EXOC6B: variants seen among roughly 807,000 people sequenced by gnomAD.
EXOC6B encodes exocyst complex component 6B.
EXOC6B carries 54 observed loss-of-function variants against 113.5 expected under a neutral mutation model. The ratio of observed to expected loss-of-function variants is 0.48; its 90% CI spans 0.38 to 0.60. The LOEUF is 0.60. EXOC6B is among the 20% of genes least tolerant of loss of function. The pLI, the probability that EXOC6B is intolerant of heterozygous loss-of-function variation, is 0.00. For missense variants in EXOC6B, 797 were observed against 977.5 expected, an observed-to-expected ratio of 0.82 and a Z score of 2.46; for synonymous variants, 357 against 339.0, an observed-to-expected ratio of 1.05 and a Z score of -0.58.
chr2:72,208,283 T>C (rs1297093293), intron 20 of EXOC6B, among the ~76,000 whole-genome samples: 3 of 151,982 alleles, frequency 2.0e-5, no homozygotes, highest in African/African-American at 7.2e-5. Context: ...TTCCCATCTT[T>C]ATGCCCATGT....
intron 20 of EXOC6B, among the ~76,000 whole-genome samples, chr2:72,203,198 T>C (rs961686105): frequency 6.6e-5 from 10 of 152,238 alleles, no homozygotes; most frequent in Non-Finnish European, 1.2e-4. Flanking sequence ...TCTTCTTTTC[T>C]CTTTGTCCTA....
At chr2:72,460,416 A>G (rs1697547674) in intron 18 of EXOC6B, among the ~76,000 whole-genome samples, 1 of 151,964 alleles carries the variant, frequency 6.6e-6, no homozygotes, top group African/African-American at 2.4e-5. Context: ...CAGAGTGAAC[A>G]GGCAACCTAC....
At chr2:72,410,028 C>T (rs1694066273) in intron 18 of EXOC6B, among the ~76,000 whole-genome samples, 1 of 152,182 alleles carries the variant, frequency 6.6e-6, no homozygotes, top group Non-Finnish European at 1.5e-5. Flanking sequence ...TTGCACACAG[C>T]TTTTCAATAT....
rs994262730 is a variant in EXOC6B, at chr2:72,228,472, G to A, written c.2197-44285C>T. Among the ~76,000 whole-genome samples, 19 of 143,592 alleles carry A rather than the reference G, an allele frequency of 1.3e-4. No individual in the cohort carries two copies. The South Asian group carries it at 3.1e-3, about 23-fold the overall frequency. 94.2% of individuals were successfully genotyped at this position (143,592 alleles called of 152,430 possible). A position where few individuals can be genotyped will look rare whatever the true frequency, so the allele number is the denominator to read the frequency against. On this transcript the variant is annotated intron_variant, in intron 20 of 21. Coordinates refer to ENST00000272427, the MANE Select transcript of EXOC6B (RefSeq NM_015189.3). ...GTGATGTTCCCCTTCCTGTGTCCAC[G>A]TGTTCTCATTGTTCAATTCCCACCT...
At chr2:72,709,658 G>A (rs2063170) in intron 6 of EXOC6B, among the ~76,000 whole-genome samples, 93,086 of 151,996 alleles carry the variant, frequency 0.61, 34,730 homozygotes, top group East Asian at 0.99. Context: ...AAGGCCAAGA[G>A]CCCAAAATTA....
intron 20 of EXOC6B, among the ~76,000 whole-genome samples, chr2:72,200,973 C>T (rs1679455724): frequency 1.3e-5 from 2 of 152,102 alleles, no homozygotes; most frequent in South Asian, 4.1e-4. Flanking sequence ...TGCCTTCTCT[C>T]CATTCTTTCA....
At chr2:72,250,555 G>C (rs568170563) in intron 20 of EXOC6B, among the ~76,000 whole-genome samples, 13 of 151,894 alleles carry the variant, frequency 8.6e-5, no homozygotes, top group Non-Finnish European at 1.6e-4. Flanking sequence ...TGTTGCCCAG[G>C]CTGGTCTTGA....
At chr2:72,473,107 TC>T (rs1698513114) in intron 17 of EXOC6B, among the ~76,000 whole-genome samples, 1 of 152,192 alleles carries the variant, frequency 6.6e-6, no homozygotes, top group African/African-American at 2.4e-5. Flanking sequence ...ATATGGTCTA[TC>T]TTGGAGAATG....
At chr2:72,324,679 T>G (rs1315891295) in intron 20 of EXOC6B, among the ~76,000 whole-genome samples, 1 of 152,172 alleles carries the variant, frequency 6.6e-6, no homozygotes, top group African/African-American at 2.4e-5. Context: ...TCAAATAATT[T>G]GCCAAATGTC....
chr2:72,505,084 T>C (rs1039672823), intron 11 of EXOC6B, among the ~76,000 whole-genome samples: 2 of 152,312 alleles, frequency 1.3e-5, no homozygotes, highest in Admixed American at 6.5e-5. Context: ...CTTATAATTT[T>C]ATTGTAGTTT....
At position 72,638,548 on chromosome 2, in the gene EXOC6B, C is replaced by T. The variant is rs960557205; in HGVS notation, c.670-62880G>A. Among the ~76,000 whole-genome samples, 3 of 152,142 alleles carry T rather than the reference C, an allele frequency of 2.0e-5. No homozygotes were observed. The South Asian group carries it at 6.2e-4, about 32-fold the overall frequency. On this transcript the variant is annotated intron_variant, in intron 6 of 21. Coordinates refer to ENST00000272427, the MANE Select transcript of EXOC6B (RefSeq NM_015189.3). ...AGAAAGCTGGGAACCCTACATGAGG[C>T]TGCAGCATACCCGGACTCGTTCCTG...
At chr2:72,688,396 T>A (rs1677238905) in intron 6 of EXOC6B, among the ~76,000 whole-genome samples, 1 of 152,132 alleles carries the variant, frequency 6.6e-6, no homozygotes, top group South Asian at 2.1e-4. Flanking sequence ...AACTAAAACT[T>A]ATTTTCATGG....
At position 72,277,123 on chromosome 2, in the gene EXOC6B, A is replaced by G. The variant is rs565304380; in HGVS notation, c.2196+57824T>C. 2.0e-5 allele frequency among the ~76,000 whole-genome samples: 3 copies of G among 152,314 alleles called. No individual in the cohort carries two copies. In the South Asian group the frequency reaches 6.2e-4, roughly 32 times the overall value. ...TTTGGTTGCTGCAAGACCATAAAGC[A>G]TTTAGTTAAGTGCCCTCCCATAAAA... On this transcript the variant is annotated intron_variant, in intron 20 of 21. Transcript: ENST00000272427.
chr2:72,533,209 A>G (rs1291937394), intron 8 of EXOC6B, among the ~76,000 whole-genome samples: 1 of 152,148 alleles, frequency 6.6e-6, no homozygotes, highest in Non-Finnish European at 1.5e-5. Context: ...GATCTACTCT[A>G]AGACTAGTCC....
intron 6 of EXOC6B, among the ~76,000 whole-genome samples, chr2:72,686,868 G>T (rs923643390): frequency 2.0e-5 from 3 of 152,138 alleles, no homozygotes; most frequent in Non-Finnish European, 4.4e-5. Context: ...CAGCTGGGCG[G>T]TGGCTCATGT....
chr2:72,601,998 C>T (rs1369050908), intron 6 of EXOC6B, among the ~76,000 whole-genome samples: 2 of 152,008 alleles, frequency 1.3e-5, no homozygotes, highest in African/African-American at 4.8e-5. Flanking sequence ...TCATTAGTTG[C>T]CAGGGGATTG....
chr2:72,758,535 C>A (rs911978613), intron 1 of EXOC6B, among the ~76,000 whole-genome samples: 2 of 152,092 alleles, frequency 1.3e-5, no homozygotes, highest in African/African-American at 4.8e-5. Flanking sequence ...TCATAGGTGC[C>A]ATGTTTCCAT....
intron 6 of EXOC6B, among the ~76,000 whole-genome samples, chr2:72,608,417 G>C (rs999146071): frequency 2.6e-5 from 4 of 152,136 alleles, no homozygotes; most frequent in South Asian, 2.1e-4. Context: ...ATTAAGAGTA[G>C]TTTATAAGCT....
At chr2:72,476,217 C>T (rs1481899148) in intron 17 of EXOC6B, among the ~76,000 whole-genome samples, 1 of 152,244 alleles carries the variant, frequency 6.6e-6, no homozygotes, top group South Asian at 2.1e-4. Context: ...ATGGAAACCA[C>T]TGAAAGTTTC....
Sources: allele counts gnomAD v4.1 joint callset (sites outside exome capture counted in the v4.1 genomes callset), GRCh38; gene constraint gnomAD v4.1.1; transcripts MANE v1.5; gene names NCBI Gene and HGNC (gene_info 2026-07-23, HGNC 2026-07-21).